Variants in EXOSC4 observed in about 807,000 individuals in gnomAD.
EXOSC4 encodes the protein exosome component 4.
A neutral mutation model predicts 20.0 loss-of-function variants in EXOSC4; 14 were observed. That is an observed-to-expected ratio of 0.70 (90% confidence interval 0.46 to 1.09). The LOEUF (loss-of-function observed/expected upper bound fraction) is 1.09. Ranked by LOEUF, EXOSC4 falls within the 50% of genes least tolerant of loss-of-function variation. EXOSC4 has a pLI of 0.00. For synonymous variants in EXOSC4, 148 were observed against 146.4 expected (o/e 1.01, Z -0.08); for missense variants, 337 against 334.0 (o/e 1.01, Z -0.07).
chr8:144,079,977 G>A lies in EXOSC4; in HGVS notation c.206G>A (p.Arg69Lys), dbSNP rs1382824731. 6.2e-7 allele frequency: 1 copy of A among 1,613,880 alleles called. No homozygotes were observed. The highest frequency in any genetic ancestry group is 8.5e-7 in the Non-Finnish European group (1 of 1,179,990). Reference protein sequence around the residue: ...RGSRARALPDRALVNCQYSSA... With the variant: ...RGSRARALPDKALVNCQYSSA... ...TCCCGGGCTCGAGCCCTGCCGGACA[G>A]GGCCCTAGTGAACTGTCAATATAGT... is the stretch of plus-strand genomic sequence containing the variant. The change falls in exon 2 of 3, where the codon AGG becomes AAG. Residue 69 changes from arginine (R) to lysine (K), a missense_variant. Physicochemically the swap from Arg to Lys is conservative, Grantham distance 26. Transcript: ENST00000316052.
chr8:144,079,432 C>T (rs546547845), intron 1 of EXOSC4: 1 of 302,608 alleles, frequency 3.3e-6, no homozygotes, highest in Non-Finnish European at 6.5e-6. Context: ...TTGCTTAGCG[C>T]ATGAGTGTGG....
chr8:144,080,411 C>T lies in EXOSC4; in HGVS notation c.548C>T (p.Pro183Leu), dbSNP rs1835888496. The change falls in exon 3 of 3, where the codon CCC (proline) becomes CTC (leucine). Residue 183 changes from proline (P) to leucine (L), a missense_variant. Coordinates refer to ENST00000316052, the MANE Select transcript of EXOSC4 (RefSeq NM_019037.3). The surrounding 1 kb of genome is among the most constrained non-coding windows in gnomAD (Gnocchi z 4.9). Reference protein sequence around the residue: ...LSHVEEAAGGPQLALALLPAS... With the variant: ...LSHVEEAAGGLQLALALLPAS... ...CATGTGGAGGAAGCAGCTGGTGGCC[C>T]CCAGCTGGCCCTGGCCCTGCTGCCA... The T allele has an allele frequency of 3.7e-6, 6 of 1,611,014 alleles. No homozygotes were observed. The highest frequency in any genetic ancestry group is 5.1e-6 in the Non-Finnish European group (6 of 1,179,980).
chr8:144,074,742 T>A (rs1418483733), upstream of EXOSC4, among the ~76,000 whole-genome samples: 1 of 152,144 alleles, frequency 6.6e-6, no homozygotes, highest in Admixed American at 6.5e-5. Flanking sequence ...AGTTAATTTT[T>A]AAATTTTTTT....
chr8:144,070,535 A>C, the EXOSC4 span, among the ~76,000 whole-genome samples: 1 of 149,906 alleles, frequency 6.7e-6, no homozygotes, highest in Non-Finnish European at 1.5e-5. Flanking sequence ...AAAAAAAAAA[A>C]AAAAATTGGG....
chr8:144,072,493 C>T, the EXOSC4 span, among the ~76,000 whole-genome samples: 1 of 152,022 alleles, frequency 6.6e-6, no homozygotes, highest in Non-Finnish European at 1.5e-5. Context: ...CAATTTATAC[C>T]TCCTATCTAC....
At chr8:144,064,538 G>A in the EXOSC4 span, among the ~76,000 whole-genome samples, 4 of 152,270 alleles carry the variant, frequency 2.6e-5, no homozygotes, top group Non-Finnish European at 5.9e-5. Context: ...GGGGCTGCAG[G>A]CCAAGGGATG....
At chr8:144,072,176 CTTGTT>C in the EXOSC4 span, among the ~76,000 whole-genome samples, 2 of 151,760 alleles carry the variant, frequency 1.3e-5, no homozygotes, top group Admixed American at 1.3e-4. Context: ...TGTACAATGC[CTTGTT>C]TTGTTTTGTT....
chr8:144,067,283 T>A, the EXOSC4 span, among the ~76,000 whole-genome samples: 4 of 152,214 alleles, frequency 2.6e-5, 1 homozygote, highest in African/African-American at 9.7e-5. Context: ...GTTATGTTTT[T>A]TGACACTGCT....
upstream of EXOSC4, among the ~76,000 whole-genome samples, chr8:144,074,855 G>A (rs782752231): frequency 1.3e-4 from 19 of 151,734 alleles, no homozygotes; most frequent in Admixed American, 5.9e-4. Context: ...TTACAGGCAC[G>A]AGCTACCTCA....
Position 144,078,893 on chromosome 8 carries a change from G to A in EXOSC4, c.165G>A (p.Pro55=). The A allele has an allele frequency of 6.8e-7, 1 of 1,478,894 alleles. No homozygotes were observed. The highest frequency in any genetic ancestry group is 9.0e-7 in the Non-Finnish European group (1 of 1,111,172). The allele number at this position is 1,478,894 out of a possible 1,614,324, so 91.6% of individuals were successfully genotyped here. Residue 55 remains proline, a synonymous_variant, in exon 1 of 3, where the codon CCG becomes CCA. Coordinates refer to ENST00000316052, the MANE Select transcript of EXOSC4 (RefSeq NM_019037.3). This position sits in a 1 kb window ranked among gnomAD's most constrained non-coding sequence, Gnocchi z 4.7. Reference sequence around the variant, plus strand: ...AGGCACTGGCTGTGGTCTACGGCCCGCACGAGGCGAGTGGGCGCGCGGGAT... The same window carrying A: ...AGGCACTGGCTGTGGTCTACGGCCCACACGAGGCGAGTGGGCGCGCGGGAT... ...NTKALAVVYG[P]HEIRGSRARA... is the part of the protein sequence containing the mutation.
chr8:144,074,743 A>T (rs1554762534), upstream of EXOSC4, among the ~76,000 whole-genome samples: 1 of 151,910 alleles, frequency 6.6e-6, no homozygotes, highest in Non-Finnish European at 1.5e-5. Context: ...GTTAATTTTT[A>T]AATTTTTTTT....
the EXOSC4 span, among the ~76,000 whole-genome samples, chr8:144,072,843 G>T: frequency 1.3e-5 from 2 of 152,366 alleles, no homozygotes; most frequent in African/African-American, 4.8e-5. Flanking sequence ...GAACGGTGCT[G>T]CAATAAACAA....
chr8:144,075,637 G>C (rs868977339), upstream of EXOSC4, among the ~76,000 whole-genome samples: 8 of 152,330 alleles, frequency 5.3e-5, no homozygotes, highest in South Asian at 4.1e-4. Flanking sequence ...CCTCCCAAAA[G>C]TGCTGGGATT....
chr8:144,065,985 G>GTTT, the EXOSC4 span, among the ~76,000 whole-genome samples: 1 of 123,796 alleles, frequency 8.1e-6, no homozygotes, highest in Admixed American at 8.1e-5. Flanking sequence ...TAGTTTTTTT[G>GTTT]TTTTTTTTTT....
chr8:144,065,015 TG>T, the EXOSC4 span, among the ~76,000 whole-genome samples: 1 of 152,010 alleles, frequency 6.6e-6, no homozygotes, highest in Non-Finnish European at 1.5e-5. Context: ...CTAATTTTTT[TG>T]TATTTTTTTT....
At chr8:144,078,337 G>C (rs1554762955), upstream of EXOSC4, 1 of 171,162 alleles carries the variant, frequency 5.8e-6, no homozygotes, top group Admixed American at 6.4e-5. The surrounding 1 kb of genome is among the most constrained non-coding windows in gnomAD (Gnocchi z 4.7). Flanking sequence ...GGTCACGAGG[G>C]CGTGACTGGG....
the EXOSC4 span, among the ~76,000 whole-genome samples, chr8:144,068,959 T>G: frequency 6.6e-6 from 1 of 152,258 alleles, no homozygotes; most frequent in East Asian, 1.9e-4. Context: ...GTGGCAGGGC[T>G]GGCTGCTGCA....
upstream of EXOSC4, among the ~76,000 whole-genome samples, chr8:144,075,873 C>T (rs1835831877): frequency 6.6e-6 from 1 of 152,188 alleles, no homozygotes; most frequent in Admixed American, 6.5e-5. Flanking sequence ...TCTCACTATT[C>T]ACTTAGTTTT....
the EXOSC4 span, among the ~76,000 whole-genome samples, chr8:144,067,386 A>T: frequency 6.6e-6 from 1 of 152,228 alleles, no homozygotes; most frequent in East Asian, 1.9e-4. Context: ...AACTCAAAGC[A>T]TGAAAGAGAT....
Sources: gnomAD v4.1 joint callset for allele counts (sites outside exome capture counted in the v4.1 genomes callset) on GRCh38, gnomAD v4.1.1 for gene constraint, Gnocchi (gnomAD v3.1) non-coding constraint, MANE v1.5 for transcripts, NCBI Gene and HGNC (gene_info 2026-07-23, HGNC 2026-07-21) for gene names.